RAB40B: variants seen among roughly 807,000 people sequenced by gnomAD.
The protein encoded by RAB40B is RAB40B, member RAS oncogene family.
A neutral mutation model predicts 24.0 loss-of-function variants in RAB40B; 21 were observed. The ratio of observed to expected loss-of-function variants is 0.88; its 90% confidence interval spans 0.62 to 1.26. The LOEUF is 1.26. Ranked by LOEUF, RAB40B falls within the 50% of genes most tolerant of loss-of-function variation. The pLI, the probability that RAB40B is intolerant of heterozygous loss-of-function variation, is 0.00. For missense variants in RAB40B, 348 were observed against 390.5 expected (o/e 0.89, Z 0.92); for synonymous variants, 167 against 169.8 (o/e 0.98, Z 0.13).
At position 82,697,790 on chromosome 17, in the gene RAB40B, G is replaced by C. The variant is rs1461773469; in HGVS notation, c.142+665C>G. Among the ~76,000 whole-genome samples the C allele has an allele frequency of 1.3e-5, 2 of 152,218 alleles. No individual in the cohort carries two copies. The highest frequency in any genetic ancestry group is 4.8e-5 in the African/African-American group (2 of 41,460). On this transcript the variant is annotated intron_variant, in intron 1 of 5. Coordinates refer to ENST00000571995, the MANE Select transcript of RAB40B (RefSeq NM_006822.3). The surrounding 1 kb of genome is among the most constrained non-coding windows in gnomAD (Gnocchi z 4.9). ...CCGGGCTGCCTGCCTGGGAGCTCTG[G>C]GCGCTCCGGCCTCCCCTCGCCCTGG...
intron 1 of RAB40B, among the ~76,000 whole-genome samples, chr17:82,677,361 T>C (rs904151680): frequency 2.0e-5 from 3 of 152,202 alleles, no homozygotes; most frequent in Non-Finnish European, 4.4e-5. Context: ...CTCATTACAA[T>C]GAGATTCCCC....
At chr17:82,672,351 C>T (rs76729625) in intron 1 of RAB40B, among the ~76,000 whole-genome samples, 456 of 11,484 alleles carry the variant, frequency 0.04, 5 homozygotes, top group Non-Finnish European at 0.067. Flanking sequence ...CACACTCACA[C>T]GCTCCCTGTA....
intron 1 of RAB40B, among the ~76,000 whole-genome samples, chr17:82,677,089 C>T (rs1456892887): frequency 2.0e-5 from 3 of 152,020 alleles, no homozygotes; most frequent in Non-Finnish European, 4.4e-5. Context: ...GCTGGGATTA[C>T]AGGCGCCCGC....
chr17:82,676,115 G>A (rs2248257), intron 1 of RAB40B, among the ~76,000 whole-genome samples: 90,507 of 151,946 alleles, frequency 0.6, 27,897 homozygotes, highest in Admixed American at 0.73. Flanking sequence ...ATGGGGAACC[G>A]ACCGCCTCGT....
intron 1 of RAB40B, among the ~76,000 whole-genome samples, chr17:82,673,645 A>T (rs9893830): frequency 0.17 from 26,407 of 152,198 alleles, 2,489 homozygotes; most frequent in Middle Eastern, 0.24. Flanking sequence ...TCCTTTTGAG[A>T]TCGGCCGTAA....
Position 82,656,450 on chromosome 17 carries a change from C to T in RAB40B, c.*1413G>A, listed in dbSNP as rs2046086902. 1.3e-5 allele frequency: 2 copies of T among 152,194 alleles called. No individual in the cohort carries two copies. Among genetic ancestry groups the T allele is most frequent in the African/African-American group, 2.4e-5 (1 of 41,438 alleles). 9.4% of individuals were successfully genotyped at this position (152,194 alleles called of 1,614,324 possible). On this transcript the variant is annotated 3_prime_UTR_variant, in exon 6 of 6. Coordinates refer to ENST00000571995, the MANE Select transcript of RAB40B (RefSeq NM_006822.3). ...CTGAGGCAGTCGGGGTCAGGGGCTA[C>T]ATCTTCATGCGGAATTCCTGACAGC...
chr17:82,680,492 G>A (rs1489590825), intron 1 of RAB40B, among the ~76,000 whole-genome samples: 1 of 152,096 alleles, frequency 6.6e-6, no homozygotes, highest in Admixed American at 6.5e-5. Context: ...CTTTGCTTCT[G>A]AAGTTAAAAA....
At chr17:82,693,335 T>C (rs1278954364) in intron 1 of RAB40B, among the ~76,000 whole-genome samples, 2 of 152,248 alleles carry the variant, frequency 1.3e-5, no homozygotes, top group East Asian at 3.9e-4. Context: ...AAGAGGAATT[T>C]CGCATAGACG....
chr17:82,686,207 G>T (rs1002877553), intron 1 of RAB40B, among the ~76,000 whole-genome samples: 8 of 149,588 alleles, frequency 5.3e-5, no homozygotes, highest in African/African-American at 2.0e-4. Flanking sequence ...CGCTTCCGGG[G>T]TTCAAGTGAT....
intron 1 of RAB40B, chr17:82,696,996 G>T (rs1381779620): frequency 6.5e-6 from 1 of 152,878 alleles, no homozygotes; most frequent in Non-Finnish European, 1.5e-5. Context: ...GACATGCGGG[G>T]GCAGCGGCGC....
intron 1 of RAB40B, among the ~76,000 whole-genome samples, chr17:82,680,130 C>A (rs1292028758): frequency 6.6e-6 from 1 of 152,252 alleles, no homozygotes; most frequent in Non-Finnish European, 1.5e-5. Context: ...AGACCGGAGG[C>A]CTGGCAGGGT....
chr17:82,671,591 A>AT (rs2046337077), intron 1 of RAB40B, among the ~76,000 whole-genome samples: 1 of 118,234 alleles, frequency 8.5e-6, no homozygotes, highest in Non-Finnish European at 1.8e-5. Flanking sequence ...TCTAACACAC[A>AT]CTCACATGCT....
At chr17:82,664,225 G>A (rs756072) in intron 2 of RAB40B, among the ~76,000 whole-genome samples, 22,727 of 131,982 alleles carry the variant, frequency 0.17, 2,322 homozygotes, top group Middle Eastern at 0.24. Context: ...TGGGCAGATG[G>A]TGGTGGGGGG....
In RAB40B at chr17:82,688,207, A is replaced by G. The variant is rs75177948; in HGVS notation, c.142+10248T>C. ...CAGCTAATTTTTAAACTTTCTGTAG[A>G]GACGAGGTTTCCCTATATTTCCTAG... is the stretch of plus-strand genomic sequence containing the variant. On this transcript the variant is annotated intron_variant, in intron 1 of 5. Transcript: ENST00000571995. 2.0e-5 allele frequency among the ~76,000 whole-genome samples: 3 copies of G among 152,248 alleles called. No homozygotes were observed. In the East Asian group the frequency reaches 5.9e-4, roughly 30 times the overall value.
rs550014728 is a variant in RAB40B, at chr17:82,692,352, C to T, written c.142+6103G>A. On this transcript the variant is annotated intron_variant, in intron 1 of 5. Transcript: ENST00000571995. This position sits in a 1 kb window ranked among gnomAD's most constrained non-coding sequence, Gnocchi z 4.0. ...AACTACAGACCGAGAGGAAGACAAACGCCCAGGAGGGAGAATCCAGGCCTC... is the reference window on the plus strand; with the variant it reads ...AACTACAGACCGAGAGGAAGACAAATGCCCAGGAGGGAGAATCCAGGCCTC... Among the ~76,000 whole-genome samples, 10 of 152,306 alleles carry T rather than the reference C, an allele frequency of 6.6e-5. No homozygotes were observed. The highest frequency in any genetic ancestry group is 1.9e-4 in the African/African-American group (8 of 41,564).
At chr17:82,662,465 C>T (rs74002924) in intron 2 of RAB40B, 164,620 of 985,330 alleles carry the variant, frequency 0.17, 14,086 homozygotes, top group South Asian at 0.26. Flanking sequence ...CCTCCTGGGC[C>T]GCTGCCACCC....
chr17:82,668,780 A>C (rs1484096485), intron 1 of RAB40B, among the ~76,000 whole-genome samples: 4 of 152,248 alleles, frequency 2.6e-5, no homozygotes, highest in Non-Finnish European at 5.9e-5. Flanking sequence ...GAGCTGCCCC[A>C]GGGCAGCGGG....
chr17:82,688,190 T>A (rs941389031), intron 1 of RAB40B, among the ~76,000 whole-genome samples: 1 of 152,102 alleles, frequency 6.6e-6, no homozygotes, highest in Non-Finnish European at 1.5e-5. Context: ...CCCAGCTAAT[T>A]TTTAAACTTT....
intron 1 of RAB40B, among the ~76,000 whole-genome samples, chr17:82,688,942 T>G (rs975909105): frequency 2.0e-5 from 3 of 152,108 alleles, no homozygotes; most frequent in Admixed American, 2.0e-4. Context: ...TCAAAAAAAA[T>G]TTAAAAATTG....
Sources: gnomAD v4.1 joint callset for allele counts (sites outside exome capture counted in the v4.1 genomes callset) on GRCh38, gnomAD v4.1.1 for gene constraint, Gnocchi (gnomAD v3.1) non-coding constraint, MANE v1.5 for transcripts, NCBI Gene and HGNC (gene_info 2026-07-23, HGNC 2026-07-21) for gene names.